SHROOM4: variants seen among roughly 807,000 people sequenced by gnomAD.
SHROOM4 encodes shroom family member 4.
A neutral mutation model predicts 80.3 loss-of-function variants in SHROOM4; 17 were observed. That is an observed-to-expected ratio of 0.21 (90% CI 0.14 to 0.32). The LOEUF is 0.32. Ranked by LOEUF, SHROOM4 falls within the 10% of genes least tolerant of loss-of-function variation. SHROOM4 has a pLI of 1.00. For synonymous variants in SHROOM4, 400 were observed against 437.5 expected, an observed-to-expected ratio of 0.91 and a Z score of 1.07; for missense variants, 993 against 1,140.3, an observed-to-expected ratio of 0.87 and a Z score of 1.86.
At chrX:50,619,399 C>T (rs781991068) in intron 5 of SHROOM4, among the ~76,000 whole-genome samples, 1 of 111,290 alleles carries the variant, frequency 9.0e-6, no homozygotes, top group South Asian at 3.9e-4. Flanking sequence ...AGGTTATTGC[C>T]GAAGGAAATA....
intron 1 of SHROOM4, among the ~76,000 whole-genome samples, chrX:50,790,005 C>G (rs991507740): frequency 8.9e-6 from 1 of 112,088 alleles, no homozygotes; most frequent in Non-Finnish European, 1.9e-5. Context: ...CAGTATCTTA[C>G]TGTATTGAAT....
At chrX:50,605,776 T>C (rs1929635802) in intron 6 of SHROOM4, among the ~76,000 whole-genome samples, 1 of 112,531 alleles carries the variant, frequency 8.9e-6, no homozygotes, top group South Asian at 3.7e-4. Flanking sequence ...TCCTCATCTG[T>C]CAAATGGGGA....
rs782447766 is a variant in SHROOM4, at chrX:50,650,517, A to AT, written c.270-12210dup. ...AGGCACGTGCCACCACGCCTGGCTA[A>AT]TTTTTTTTTTTTTTTGTATTTTAGT... On this transcript the variant is annotated intron_variant, in intron 2 of 8. Coordinates refer to ENST00000376020, the MANE Select transcript of SHROOM4 (RefSeq NM_020717.5). 1.7e-3 allele frequency among the ~76,000 whole-genome samples: 171 copies of AT among 99,457 alleles called. 1 individual carries two copies. The highest frequency in any genetic ancestry group is 2.5e-3 in the Admixed American group (23 of 9,252). 86.4% of individuals were successfully genotyped at this position (99,457 alleles called of 115,157 possible). A position where few individuals can be genotyped will look rare whatever the true frequency, so the allele number is the denominator to read the frequency against.
Position 50,607,740 on chromosome X carries a change from C to CTCG in SHROOM4, c.3401_3402insCGA (p.Glu1133_Glu1134insAsp), listed in dbSNP as rs1929742696. 2 of 1,184,847 alleles carry CTCG rather than the reference C, an allele frequency of 1.7e-6. No individual in the cohort carries two copies. The highest frequency in any genetic ancestry group is 2.3e-6 in the Non-Finnish European group (2 of 881,660). On this transcript the variant is annotated inframe_insertion, in exon 6 of 9. Transcript: ENST00000376020. ...CTTCTTCTTCTTCTTCCTCCTCCTCCTCCTCCTCCTGTTGCTTCTGCTGCT... is the reference window on the plus strand; with the variant it reads ...CTTCTTCTTCTTCTTCCTCCTCCTCCTCGTCCTCCTCCTGTTGCTTCTGCTGCT...
chrX:50,664,225 G>A (rs1932616218), intron 2 of SHROOM4, among the ~76,000 whole-genome samples: 1 of 111,729 alleles, frequency 9.0e-6, no homozygotes, highest in African/African-American at 3.3e-5. Context: ...CTTCTACAGA[G>A]TACTCACAGC....
At chrX:50,753,352 C>T (rs1472398334) in intron 1 of SHROOM4, among the ~76,000 whole-genome samples, 2 of 112,299 alleles carry the variant, frequency 1.8e-5, no homozygotes, top group African/African-American at 6.5e-5. Flanking sequence ...GTTTTAATCT[C>T]ATAATTTGTA....
intron 2 of SHROOM4, among the ~76,000 whole-genome samples, chrX:50,675,928 C>T (rs1397848974): frequency 9.0e-6 from 1 of 111,576 alleles, no homozygotes; most frequent in Non-Finnish European, 1.9e-5. Context: ...CTGCCAACTC[C>T]CTTCTCTTCT....
At chrX:50,728,759 A>G (rs868941751) in intron 1 of SHROOM4, among the ~76,000 whole-genome samples, 1 of 112,365 alleles carries the variant, frequency 8.9e-6, no homozygotes, top group Non-Finnish European at 1.9e-5. Flanking sequence ...CAACTGTGAA[A>G]ACAAACTCAA....
chrX:50,579,130 T>G, the SHROOM4 span, among the ~76,000 whole-genome samples: 1 of 112,004 alleles, frequency 8.9e-6, no homozygotes, highest in African/African-American at 3.2e-5. Context: ...ACTAATATGG[T>G]TAAATTAACA....
chrX:50,709,756 C>A (rs1157572692), intron 1 of SHROOM4, among the ~76,000 whole-genome samples: 1 of 112,042 alleles, frequency 8.9e-6, no homozygotes, highest in Non-Finnish European at 1.9e-5. Flanking sequence ...GTGTCTGGCA[C>A]AAGGGATCCT....
At chrX:50,663,912 T>C (rs782619228) in intron 2 of SHROOM4, among the ~76,000 whole-genome samples, 1 of 112,119 alleles carries the variant, frequency 8.9e-6, no homozygotes, top group Non-Finnish European at 1.9e-5. Flanking sequence ...CACCACCACA[T>C]TGCTTAACAT....
intron 1 of SHROOM4, among the ~76,000 whole-genome samples, chrX:50,734,891 C>T (rs1178762879): frequency 1.8e-5 from 2 of 110,702 alleles, no homozygotes; most frequent in Admixed American, 1.9e-4. Flanking sequence ...CTCTCATTCT[C>T]TCTTGCCCAC....
intron 1 of SHROOM4, among the ~76,000 whole-genome samples, chrX:50,791,245 T>G (rs1935845261): frequency 1.8e-5 from 2 of 111,243 alleles, no homozygotes; most frequent in South Asian, 7.6e-4. Flanking sequence ...TAGGAATAAA[T>G]GTAACTAAGA....
chrX:50,607,352 G>C, intron 6 of SHROOM4, 29 bp downstream of exon 6: 1 of 1,207,112 alleles, frequency 8.3e-7, no homozygotes, highest in Non-Finnish European at 1.1e-6. Context: ...TGCCTCTTCA[G>C]AGACCTAGTA....
At chrX:50,609,784 A>G (rs1206241335) in intron 5 of SHROOM4, among the ~76,000 whole-genome samples, 1 of 110,661 alleles carries the variant, frequency 9.0e-6, no homozygotes, top group Non-Finnish European at 1.9e-5. Flanking sequence ...TCAGAAAATT[A>G]AAAAGACTAT....
intron 1 of SHROOM4, among the ~76,000 whole-genome samples, chrX:50,768,763 T>C (rs1211619477): frequency 9.0e-6 from 1 of 111,669 alleles, no homozygotes; most frequent in African/African-American, 3.3e-5. Flanking sequence ...AAAGTAAAAA[T>C]ATAATGCAGG....
intron 1 of SHROOM4, among the ~76,000 whole-genome samples, chrX:50,701,116 C>T (rs1219400302): frequency 1.8e-5 from 2 of 111,962 alleles, no homozygotes; most frequent in African/African-American, 6.5e-5. Context: ...GCTTAATCAC[C>T]ATCTAGTTTA....
intron 1 of SHROOM4, among the ~76,000 whole-genome samples, chrX:50,754,853 C>T (rs1308465611): frequency 1.8e-5 from 2 of 112,162 alleles, no homozygotes; most frequent in African/African-American, 6.5e-5. Flanking sequence ...AGTTTTGTCC[C>T]AGGAGGTATC....
At chrX:50,721,093 G>T (rs1557265385) in intron 1 of SHROOM4, among the ~76,000 whole-genome samples, 1 of 111,197 alleles carries the variant, frequency 9.0e-6, no homozygotes, top group African/African-American at 3.3e-5. Flanking sequence ...CTGCATGCAG[G>T]GACACCGAGC....
Sources: gnomAD v4.1 joint callset for allele counts (sites outside exome capture counted in the v4.1 genomes callset) on GRCh38, gnomAD v4.1.1 for gene constraint, MANE v1.5 for transcripts, NCBI Gene and HGNC (gene_info 2026-07-23, HGNC 2026-07-21) for gene names.